Variants in PIAS1 observed in about 807,000 individuals in gnomAD.
The protein encoded by PIAS1 is protein inhibitor of activated STAT 1.
In PIAS1, 6 loss-of-function variants were observed where a neutral mutation model predicts 71.3. The ratio of observed to expected loss-of-function variants is 0.08; its 90% CI spans 0.05 to 0.17. PIAS1 has a LOEUF of 0.17. PIAS1 is among the 10% of genes least tolerant of loss of function. PIAS1 has a pLI of 1.00. For synonymous variants in PIAS1, 303 were observed against 292.9 expected, an observed-to-expected ratio of 1.03 and a Z score of -0.35; for missense variants, 555 against 793.6, an observed-to-expected ratio of 0.70 and a Z score of 3.61.
intron 1 of PIAS1, among the ~76,000 whole-genome samples, chr15:68,068,385 G>T (rs1001087001): frequency 6.6e-6 from 1 of 152,158 alleles, no homozygotes; most frequent in Non-Finnish European, 1.5e-5. Flanking sequence ...ATAGATTTCA[G>T]TAAGTACATC....
At chr15:68,141,915 T>C (rs1472984751) in intron 2 of PIAS1, 31 bp from the exon 3 acceptor site, 2 of 1,431,646 alleles carry the variant, frequency 1.4e-6, no homozygotes. Flanking sequence ...AATTTAAAGG[T>C]AATTGAAAGT....
chr15:68,177,278 CAAAAAAAAAA>C (rs3083984), intron 11 of PIAS1, among the ~76,000 whole-genome samples: 2 of 90,880 alleles, frequency 2.2e-5, no homozygotes, highest in South Asian at 4.7e-4. Context: ...GACTTTGTCT[CAAAAAAAAAA>C]AAAAAAAAAG....
chr15:68,113,916 A>G (rs1196375481), intron 2 of PIAS1, among the ~76,000 whole-genome samples: 1 of 152,034 alleles, frequency 6.6e-6, no homozygotes, highest in African/African-American at 2.4e-5. Context: ...TACTCCAAAG[A>G]ACTTTAGCCA....
rs781413591 is a variant in PIAS1 at position 68,187,763 on chromosome 15, C to T, written c.1884C>T (p.Thr628=). The T allele has an allele frequency of 1.8e-5, 29 of 1,613,798 alleles. No homozygotes were observed. The highest frequency in any genetic ancestry group is 6.7e-5 in the Admixed American group (4 of 59,998). ...GCCTAAGGGAAAGCCATAGCCACACCGTCACAAACAGGAGCAGCACGGACA... is the reference window on the plus strand; with the variant it reads ...GCCTAAGGGAAAGCCATAGCCACACTGTCACAAACAGGAGCAGCACGGACA... The part of the protein sequence containing the change: ...SNSLRESHSH[T]VTNRSSTDTA... The change falls in exon 14 of 14, where the codon ACC becomes ACT. Residue 628 remains threonine, a synonymous_variant. Transcript: ENST00000249636. This position sits in a 1 kb window ranked among gnomAD's most constrained non-coding sequence, Gnocchi z 5.3.
intron 1 of PIAS1, among the ~76,000 whole-genome samples, chr15:68,074,309 T>A (rs1314734673): frequency 6.6e-6 from 1 of 152,182 alleles, no homozygotes; most frequent in African/African-American, 2.4e-5. Flanking sequence ...TCTCTACTTT[T>A]TTTTCCTTTT....
At chr15:68,172,104 C>G (rs1389481484) in intron 8 of PIAS1, among the ~76,000 whole-genome samples, 1 of 151,728 alleles carries the variant, frequency 6.6e-6, no homozygotes, top group Non-Finnish European at 1.5e-5. Context: ...TGATGTTCCC[C>G]GCCCTGTGTC....
intron 11 of PIAS1, 89 bp downstream of exon 11, chr15:68,176,743 T>G: frequency 1.1e-6 from 1 of 926,872 alleles, no homozygotes; most frequent in South Asian, 1.9e-5. Context: ...AAATGATTCT[T>G]GATTGTGAAA....
intron 2 of PIAS1, among the ~76,000 whole-genome samples, chr15:68,092,254 A>C (rs916993734): frequency 6.6e-6 from 1 of 151,800 alleles, no homozygotes; most frequent in Non-Finnish European, 1.5e-5. Flanking sequence ...GCTCACTGCA[A>C]CCTCCGCTTC....
In PIAS1 at chr15:68,065,068, T is replaced by G. The variant is rs180732285; in HGVS notation, c.24+10718T>G. The stretch of plus-strand genomic sequence containing the variant: ...ATTATTTTTTTTTAAATGACAAATC[T>G]TTTAAAGTTTTCTGCTTTAACTGCA... On this transcript the variant is annotated intron_variant, in intron 1 of 13. Transcript: ENST00000249636. Among the ~76,000 whole-genome samples the G allele has an allele frequency of 6.6e-5, 10 of 152,242 alleles. No homozygotes were observed. In the East Asian group the frequency reaches 1.9e-3, roughly 29 times the overall value.
chr15:68,182,984 G>A (rs2093065073), intron 12 of PIAS1, among the ~76,000 whole-genome samples: 2 of 152,084 alleles, frequency 1.3e-5, no homozygotes. Flanking sequence ...GCTCTTCATC[G>A]CATTACACAC....
At chr15:68,165,722 G>C (rs2141079371) in intron 8 of PIAS1, among the ~76,000 whole-genome samples, 1 of 152,276 alleles carries the variant, frequency 6.6e-6, no homozygotes, top group East Asian at 1.9e-4. Flanking sequence ...TCTGATGTTA[G>C]GCTCTTTGGT....
intron 1 of PIAS1, among the ~76,000 whole-genome samples, chr15:68,071,428 G>T (rs2092095892): frequency 6.6e-6 from 1 of 150,594 alleles, no homozygotes; most frequent in African/African-American, 2.4e-5. Context: ...TGTTGGCCAG[G>T]CTGGTCTTGA....
chr15:68,175,301 T>C (rs2093014414), intron 9 of PIAS1, among the ~76,000 whole-genome samples: 1 of 152,156 alleles, frequency 6.6e-6, no homozygotes. Flanking sequence ...CAATTTAGAA[T>C]ATGCAAAAAA....
chr15:68,110,587 ACTT>A (rs1426001282), intron 2 of PIAS1, among the ~76,000 whole-genome samples: 7 of 151,836 alleles, frequency 4.6e-5, no homozygotes, highest in Non-Finnish European at 5.9e-5. Context: ...CAACAGTGAA[ACTT>A]CTTCTCCAAA....
At chr15:68,165,472 A>G (rs1485088721) in intron 8 of PIAS1, among the ~76,000 whole-genome samples, 19 of 152,156 alleles carry the variant, frequency 1.2e-4, no homozygotes. Flanking sequence ...AGCCATGATT[A>G]CCCACACATC....
intron 7 of PIAS1, among the ~76,000 whole-genome samples, chr15:68,155,561 A>G (rs2141066012): frequency 6.6e-6 from 1 of 152,172 alleles, no homozygotes; most frequent in South Asian, 2.1e-4. Flanking sequence ...AAAGAGTCAA[A>G]TCAGTTACAA....
At chr15:68,055,261 T>G in intron 1 of PIAS1, 1 of 963,012 alleles carries the variant, frequency 1.0e-6, no homozygotes, top group African/African-American at 1.8e-5. Context: ...ATCCCCCCAT[T>G]GCCTTTTGTT....
In PIAS1 at chr15:68,152,438, G is replaced by C. The variant is rs575182994; in HGVS notation, c.829-1152G>C. Among the ~76,000 whole-genome samples the C allele has an allele frequency of 2.0e-5, 3 of 152,190 alleles. No individual in the cohort carries two copies. The East Asian group carries it at 5.8e-4, about 29-fold the overall frequency. ...TGTAGTATATTTTCTGTCAAAAGAG[G>C]GGAGTGCATTAAGTTCCATGTCTTA... On this transcript the variant is annotated intron_variant, in intron 6 of 13. Coordinates refer to ENST00000249636, the MANE Select transcript of PIAS1 (RefSeq NM_016166.3).
chr15:68,182,462 C>T (rs1236133315), intron 12 of PIAS1, among the ~76,000 whole-genome samples: 1 of 81,730 alleles, frequency 1.2e-5, no homozygotes, highest in Non-Finnish European at 2.7e-5. Flanking sequence ...GTGTGTGTGT[C>T]GGAGTTTTGC....
Sources: gnomAD v4.1 joint callset for allele counts (sites outside exome capture counted in the v4.1 genomes callset) on GRCh38, gnomAD v4.1.1 for gene constraint, Gnocchi (gnomAD v3.1) non-coding constraint, MANE v1.5 for transcripts, NCBI Gene and HGNC (gene_info 2026-07-23, HGNC 2026-07-21) for gene names.